EPHA7: variants seen among roughly 807,000 people sequenced by gnomAD.
EPHA7 encodes ephrin type-A receptor 7.
A neutral mutation model predicts 112.6 loss-of-function variants in EPHA7; 25 were observed. The observed-to-expected ratio is 0.22, with a 90% confidence interval of 0.16 to 0.31. EPHA7 has a LOEUF of 0.31. Among genes scored for constraint, EPHA7 ranks in the 10% least tolerant of loss-of-function variants. The pLI is 1.00. For synonymous variants in EPHA7, 437 were observed against 406.5 expected, an observed-to-expected ratio of 1.07 and a Z score of -0.90; for missense variants, 962 against 1,212.6, an observed-to-expected ratio of 0.79 and a Z score of 3.07.
intron 5 of EPHA7, among the ~76,000 whole-genome samples, chr6:93,307,639 T>G (rs1366753300): frequency 6.6e-6 from 1 of 152,182 alleles, no homozygotes; most frequent in Admixed American, 6.5e-5. Context: ...AGATTAAATC[T>G]TATGACATTC....
At position 93,357,747 on chromosome 6, in the gene EPHA7, A is replaced by C. The variant is rs907086029; in HGVS notation, c.988+509T>G. The stretch of plus-strand genomic sequence containing the variant: ...CGGCTCACTGCAACCTCCGCCTCCC[A>C]GGTTCAAGTGATTCTCCTGCTTCAG... On this transcript the variant is annotated intron_variant, in intron 4 of 16. Coordinates refer to ENST00000369303, the MANE Select transcript of EPHA7 (RefSeq NM_004440.4). 2.7e-5 allele frequency among the ~76,000 whole-genome samples: 4 copies of C among 150,580 alleles called. 1 individual carries two copies. The highest frequency in any genetic ancestry group is 9.8e-5 in the African/African-American group (4 of 40,780).
At chr6:93,345,819 C>G (rs559780231) in intron 5 of EPHA7, among the ~76,000 whole-genome samples, 4 of 151,620 alleles carry the variant, frequency 2.6e-5, no homozygotes, top group Non-Finnish European at 4.4e-5. Context: ...CCTTGTAGCT[C>G]TAATTTACTG....
chr6:93,297,458 C>T lies in EPHA7; in HGVS notation c.1325-25036G>A, dbSNP rs571971337. On this transcript the variant is annotated intron_variant, in intron 5 of 16. Transcript: ENST00000369303. ...TCAATATAGTCATAAAGACACCAAACCACATTTCATAAGAATAAGTTTTGG... is the reference window on the plus strand; with the variant it reads ...TCAATATAGTCATAAAGACACCAAATCACATTTCATAAGAATAAGTTTTGG... Among the ~76,000 whole-genome samples the T allele has an allele frequency of 1.4e-3, 211 of 152,232 alleles. 3 individuals carry two copies. The highest frequency in any genetic ancestry group is 5.0e-3 in the African/African-American group (206 of 41,568).
At chr6:93,334,535 A>G (rs1043819788) in intron 5 of EPHA7, among the ~76,000 whole-genome samples, 6 of 152,092 alleles carry the variant, frequency 3.9e-5, no homozygotes, top group African/African-American at 1.4e-4. Context: ...AACTTAAACT[A>G]ATTTTATATT....
intron 3 of EPHA7, among the ~76,000 whole-genome samples, chr6:93,366,362 C>T (rs1039525987): frequency 6.6e-6 from 1 of 152,192 alleles, no homozygotes; most frequent in Non-Finnish European, 1.5e-5. Context: ...TCCTTGTTAA[C>T]TCTAACGTGC....
In EPHA7 at chr6:93,314,858, C is replaced by CAT. The variant is rs1554180994; in HGVS notation, c.1324+41858_1324+41859insAT. Among the ~76,000 whole-genome samples the CAT allele has an allele frequency of 1.4e-4, 14 of 101,376 alleles. 1 individual carries two copies. Among genetic ancestry groups the CAT allele is most frequent in the African/African-American group, 5.2e-4 (14 of 26,932 alleles). 66.5% of individuals were successfully genotyped at this position (101,376 alleles called of 152,430 possible). Reference sequence around the variant, plus strand: ...ACATTAAGACTGACAATATAATTTTCTTTTTTTTTTTTTTTTTTTTTTGAG... The same window carrying CAT: ...ACATTAAGACTGACAATATAATTTTCATTTTTTTTTTTTTTTTTTTTTTTGAG... On this transcript the variant is annotated intron_variant, in intron 5 of 16. Transcript: ENST00000369303.
At position 93,246,862 on chromosome 6, in the gene EPHA7, T is replaced by G. The variant is rs755032746; in HGVS notation, c.2656A>C (p.Ile886Leu). The G allele has an allele frequency of 3.1e-6, 5 of 1,613,990 alleles. No individual in the cohort carries two copies. Among genetic ancestry groups the G allele is most frequent in the Non-Finnish European group, 4.2e-6 (5 of 1,179,858 alleles). ...ERAERPKFEQ[I>L]VGILDKMIRN... Reference sequence around the variant, plus strand: ...ATCATTTTGTCTAGAATTCCAACTATCTGTTCAAATTTTGGCCTTTCAGCA... The same window carrying G: ...ATCATTTTGTCTAGAATTCCAACTAGCTGTTCAAATTTTGGCCTTTCAGCA... Residue 886 changes from isoleucine (I) to leucine (L), a missense_variant, in exon 15 of 17, where the codon ATA (isoleucine) becomes CTA (leucine). Ile to Leu is a conservative substitution (Grantham distance 5, BLOSUM62 2). This residue lies in a region of EPHA7 where 746 missense variants were observed against 889.2 expected (regional missense o/e 0.84). Coordinates refer to ENST00000369303, the MANE Select transcript of EPHA7 (RefSeq NM_004440.4).
chr6:93,417,998 G>A (rs1290509180), intron 1 of EPHA7, among the ~76,000 whole-genome samples: 1 of 151,964 alleles, frequency 6.6e-6, no homozygotes, highest in African/African-American at 2.4e-5. Flanking sequence ...ATGAATCAAG[G>A]ACCTATATGT....
At position 93,362,409 on chromosome 6, in the gene EPHA7, G is replaced by T. The variant is rs1020024747; in HGVS notation, c.833-3998C>A. Among the ~76,000 whole-genome samples, 4 of 151,922 alleles carry T rather than the reference G, an allele frequency of 2.6e-5. No homozygotes were observed. The East Asian group carries it at 7.7e-4, about 29-fold the overall frequency. Reference sequence around the variant, plus strand: ...TATTTAAATATTGTCCCACAAAGTTGATTTAAATAATATTTTTAATTTAAA... The same window carrying T: ...TATTTAAATATTGTCCCACAAAGTTTATTTAAATAATATTTTTAATTTAAA... On this transcript the variant is annotated intron_variant, in intron 3 of 16. Transcript: ENST00000369303.
At chr6:93,296,285 G>A (rs1042673170) in intron 5 of EPHA7, among the ~76,000 whole-genome samples, 3 of 150,508 alleles carry the variant, frequency 2.0e-5, no homozygotes, top group Non-Finnish European at 3.0e-5. Context: ...CCCTCTTCTG[G>A]GACTATACCC....
At chr6:93,375,982 T>C (rs906210945) in intron 3 of EPHA7, among the ~76,000 whole-genome samples, 5 of 152,170 alleles carry the variant, frequency 3.3e-5, no homozygotes, top group Admixed American at 2.6e-4. Flanking sequence ...TTATAAAAGA[T>C]TTATGCCATG....
intron 3 of EPHA7, among the ~76,000 whole-genome samples, chr6:93,408,522 T>G (rs2127993091): frequency 6.6e-6 from 1 of 152,090 alleles, no homozygotes; most frequent in Admixed American, 6.6e-5. Flanking sequence ...ATACTGCCAG[T>G]GAGGGAAAGG....
At chr6:93,292,882 C>G (rs1290522068) in intron 5 of EPHA7, among the ~76,000 whole-genome samples, 1 of 151,996 alleles carries the variant, frequency 6.6e-6, no homozygotes, top group African/African-American at 2.4e-5. Flanking sequence ...GCCAAGTGCT[C>G]CATTTCTAAT....
chr6:93,408,023 TAACA>T (rs1778800189), intron 3 of EPHA7, among the ~76,000 whole-genome samples: 2 of 152,008 alleles, frequency 1.3e-5, no homozygotes, highest in Admixed American at 1.3e-4. Flanking sequence ...CACATTTTCT[TAACA>T]AATAAATGAG....
At chr6:93,371,704 T>C (rs1776807924) in intron 3 of EPHA7, among the ~76,000 whole-genome samples, 1 of 152,214 alleles carries the variant, frequency 6.6e-6, no homozygotes, top group African/African-American at 2.4e-5. Context: ...AAAACTAGAA[T>C]ATAATGATTG....
At chr6:93,391,452 G>T (rs181972547) in intron 3 of EPHA7, among the ~76,000 whole-genome samples, 332 of 152,026 alleles carry the variant, frequency 2.2e-3, no homozygotes, top group Non-Finnish European at 3.1e-3. Context: ...AATTGTTCTT[G>T]TATATGAACA....
At chr6:93,412,757 A>G (rs1779039863) in intron 2 of EPHA7, among the ~76,000 whole-genome samples, 1 of 152,050 alleles carries the variant, frequency 6.6e-6, no homozygotes, top group Admixed American at 6.6e-5. Flanking sequence ...CCAAAAAATC[A>G]AAAGCTCCAA....
chr6:93,350,034 G>T (rs1352770294), intron 5 of EPHA7, among the ~76,000 whole-genome samples: 17 of 151,878 alleles, frequency 1.1e-4, no homozygotes, highest in Non-Finnish European at 1.5e-5. Flanking sequence ...CAAAGTAAAG[G>T]GAATACTGAC....
rs375299052 is a variant in EPHA7 at position 93,394,338 on chromosome 6, T to C, written c.832+16163A>G. Among the ~76,000 whole-genome samples the C allele has an allele frequency of 7.9e-5, 12 of 151,274 alleles. No homozygotes were observed. In the East Asian group the frequency reaches 2.1e-3, roughly 27 times the overall value. ...ACTAAATCCTACTGAGGATAAACAA[T>C]TGATGAGAGAGAGAGAAAAGTCAGA... is the stretch of plus-strand genomic sequence containing the variant. On this transcript the variant is annotated intron_variant, in intron 3 of 16. Coordinates refer to ENST00000369303, the MANE Select transcript of EPHA7 (RefSeq NM_004440.4).
Sources: gnomAD v4.1 joint callset for allele counts (sites outside exome capture counted in the v4.1 genomes callset) on GRCh38, gnomAD v4.1.1 for gene constraint, gnomAD v4.1.1 regional missense constraint, MANE v1.5 for transcripts, NCBI Gene and HGNC (gene_info 2026-07-23, HGNC 2026-07-21) for gene names.